Variants in SLC30A8 observed in about 807,000 individuals in gnomAD.
SLC30A8 encodes proton-coupled zinc antiporter SLC30A8.
A neutral mutation model predicts 36.9 loss-of-function variants in SLC30A8; 27 were observed. The ratio of observed to expected loss-of-function variants is 0.73; its 90% CI spans 0.54 to 1.01. The LOEUF (loss-of-function observed/expected upper bound fraction) is 1.01, where lower values mean the gene tolerates loss of function less well. Among genes scored for constraint, SLC30A8 ranks in the 50% least tolerant of loss-of-function variants. The pLI is 0.00. For missense variants in SLC30A8, 439 were observed against 452.0 expected, an observed-to-expected ratio of 0.97 and a Z score of 0.26; for synonymous variants, 164 against 172.4, an observed-to-expected ratio of 0.95 and a Z score of 0.38.
intron 1 of SLC30A8, among the ~76,000 whole-genome samples, chr8:117,138,823 T>C (rs1821490028): frequency 6.6e-6 from 1 of 151,998 alleles, no homozygotes; most frequent in Admixed American, 6.6e-5. Flanking sequence ...GGTCACTGTC[T>C]CTTCTGCCAG....
intron 1 of SLC30A8, among the ~76,000 whole-genome samples, chr8:117,001,204 C>CTT (rs34639384): frequency 0.027 from 2,066 of 77,862 alleles, 5 homozygotes; most frequent in South Asian, 0.035. Context: ...TTGCTAGGGG[C>CTT]TTTTTTTTTT....
intron 1 of SLC30A8, among the ~76,000 whole-genome samples, chr8:117,011,422 C>CTCGCTA (rs762456245): frequency 2.0e-5 from 3 of 152,148 alleles, no homozygotes; most frequent in Non-Finnish European, 4.4e-5. Context: ...CCAAATAGCT[C>CTCGCTA]GTTTGTGAAA....
rs34202690 is a variant in SLC30A8, at chr8:117,076,770, A to ATT, written c.-226+37523_-226+37524dup. Among the ~76,000 whole-genome samples, 437 of 146,422 alleles carry ATT rather than the reference A, an allele frequency of 3.0e-3. 4 individuals are homozygous for ATT. Among genetic ancestry groups the ATT allele is most frequent in the African/African-American group, 9.7e-3 (386 of 39,914 alleles). On this transcript the variant is annotated intron_variant, in intron 2 of 10. Coordinates refer to the SLC30A8 transcript ENST00000427715. ...CTTCGAGGAGAGGGGTCAAATAGTC[A>ATT]TTTTTTTTTTTTGGCGGCACCTATT...
intron 1 of SLC30A8, chr8:117,007,011 G>A (rs1224168984): frequency 9.2e-5 from 10 of 109,072 alleles, no homozygotes; most frequent in Admixed American, 2.5e-4. Flanking sequence ...TCCCCATGTT[G>A]GCCAGGCTGG....
rs751625201 is a variant in SLC30A8, at chr8:116,983,489, TG to T, written c.-266+32372del. Among the ~76,000 whole-genome samples the T allele has an allele frequency of 1.2e-4, 18 of 152,314 alleles. No individual in the cohort carries two copies. In the East Asian group the frequency reaches 1.3e-3, roughly 11 times the overall value. ...CAATATACTTCTCAAAAAGTGTTACTGGTGTGTTAAATTTTCCCACTACAGT... is the reference window on the plus strand; with the variant it reads ...CAATATACTTCTCAAAAAGTGTTACTGTGTGTTAAATTTTCCCACTACAGT... On this transcript the variant is annotated intron_variant, in intron 1 of 10. Coordinates refer to the SLC30A8 transcript ENST00000427715.
chr8:116,976,529 A>G (rs1269545545), intron 1 of SLC30A8, among the ~76,000 whole-genome samples: 1 of 152,180 alleles, frequency 6.6e-6, no homozygotes, highest in Admixed American at 6.5e-5. Flanking sequence ...CAAACTCTCA[A>G]GCACGCAAGA....
intron 1 of SLC30A8, among the ~76,000 whole-genome samples, chr8:116,976,271 T>A (rs552587097): frequency 1.3e-5 from 2 of 148,862 alleles, no homozygotes; most frequent in South Asian, 4.3e-4. Context: ...TTCCAAGGTA[T>A]AAATGCTCCC....
rs1815197318 is a variant in SLC30A8 at position 116,979,915 on chromosome 8, T to C, written c.-266+28796T>C. On this transcript the variant is annotated intron_variant, in intron 1 of 10. Coordinates refer to the SLC30A8 transcript ENST00000427715. ...ATTAAAAACTTTTATGAGGTAAGGA[T>C]AGGATCATTTCCAAAGAAACAGAAG... Among the ~76,000 whole-genome samples the C allele has an allele frequency of 2.6e-5, 4 of 152,234 alleles. No homozygotes were observed. The South Asian group carries it at 8.3e-4, about 32-fold the overall frequency.
intron 2 of SLC30A8, among the ~76,000 whole-genome samples, chr8:117,062,443 A>G (rs529261824): frequency 6.8e-4 from 103 of 152,318 alleles, no homozygotes; most frequent in African/African-American, 2.4e-3. Flanking sequence ...AAGTGGAGCA[A>G]GACAGAGAGC....
In SLC30A8 at chr8:117,157,864, C is replaced by T. The variant is rs1315099460; in HGVS notation, c.572+20C>T. ...CATTGTGTAAGTCATCCCCTGGTCC[C>T]CACACACTGCTCATGAGGCTCTCCT... On this transcript the variant is annotated intron_variant, in intron 4 of 7. Coordinates refer to ENST00000456015, the MANE Select transcript of SLC30A8 (RefSeq NM_173851.3). 6.2e-7 allele frequency: 1 copy of T among 1,612,890 alleles called. No homozygotes were observed. The highest frequency in any genetic ancestry group is 1.3e-5 in the African/African-American group (1 of 75,024).
chr8:117,055,060 G>A (rs898666082), intron 2 of SLC30A8, among the ~76,000 whole-genome samples: 9 of 152,292 alleles, frequency 5.9e-5, no homozygotes, highest in Admixed American at 5.9e-4. Flanking sequence ...GACCATCTGT[G>A]AAATGGGTGG....
intron 1 of SLC30A8, among the ~76,000 whole-genome samples, chr8:117,016,157 A>G (rs1401212218): frequency 6.6e-6 from 1 of 152,186 alleles, no homozygotes. Context: ...AAATCCAGAA[A>G]TCCAAAAACT....
At position 117,108,697 on chromosome 8, in the gene SLC30A8, T is replaced by C. The variant is rs111737012; in HGVS notation, c.-225-26583T>C. 3.1e-3 allele frequency among the ~76,000 whole-genome samples: 473 copies of C among 152,280 alleles called. 1 individual carries two copies. The highest frequency in any genetic ancestry group is 0.011 in the African/African-American group (454 of 41,562). On this transcript the variant is annotated intron_variant, in intron 2 of 10. Coordinates refer to the SLC30A8 transcript ENST00000427715. ...ACATGTTGCTGGGAACCCTTGGAGT[T>C]GGATGAAGAAGCCTGGAGCTCTAGT...
intron 2 of SLC30A8, among the ~76,000 whole-genome samples, chr8:117,151,333 T>C (rs1047196977): frequency 5.2e-4 from 79 of 152,184 alleles, no homozygotes; most frequent in African/African-American, 1.9e-3. Context: ...ACCCAATCCC[T>C]GGTACCATGC....
chr8:116,965,942 G>A (rs1814586170), intron 1 of SLC30A8, among the ~76,000 whole-genome samples: 1 of 147,456 alleles, frequency 6.8e-6, no homozygotes, highest in African/African-American at 2.5e-5. Flanking sequence ...GGGGTGCAGT[G>A]GCGTGATCTC....
In SLC30A8 at chr8:117,172,693, C is replaced by T. The variant is rs757215759; in HGVS notation, c.*12C>T. ...ACCCCTGTGACTAGCTCAGTCACAC[C>T]GTCAGTTTCCCAAATTTGACAGGCC... On this transcript the variant is annotated 3_prime_UTR_variant, in exon 8 of 8. Transcript: ENST00000456015. The T allele has an allele frequency of 3.5e-5, 57 of 1,612,590 alleles. No individual in the cohort carries two copies. Among genetic ancestry groups the T allele is most frequent in the East Asian group, 1.6e-4 (7 of 44,830 alleles).
intron 7 of SLC30A8, 98 bp downstream of exon 7, chr8:117,171,266 T>C: frequency 7.5e-7 from 1 of 1,332,948 alleles, no homozygotes; most frequent in Non-Finnish European, 1.1e-6. Context: ...TATTGTCTGT[T>C]GCTTGTCAAA....
intron 6 of SLC30A8, among the ~76,000 whole-genome samples, chr8:117,170,241 T>C (rs565520882): frequency 6.6e-6 from 1 of 152,312 alleles, no homozygotes; most frequent in African/African-American, 2.4e-5. Context: ...TGAAAGACTC[T>C]AGATTTTGGA....
Position 117,172,825 on chromosome 8 carries a change from C to T in SLC30A8, c.*144C>T, listed in dbSNP as rs1267328705. 1.1e-6 allele frequency: 1 copy of T among 914,432 alleles called. No individual in the cohort carries two copies. The highest frequency in any genetic ancestry group is 1.7e-6 in the Non-Finnish European group (1 of 601,452). 56.6% of individuals were successfully genotyped at this position (914,432 alleles called of 1,614,324 possible). Reference sequence around the variant, plus strand: ...CACATTTTATCTATTTATTTAGTTCCATTCACCATGAAGGAAGAGGCACTG... The same window carrying T: ...CACATTTTATCTATTTATTTAGTTCTATTCACCATGAAGGAAGAGGCACTG... On this transcript the variant is annotated 3_prime_UTR_variant, in exon 8 of 8. Coordinates refer to ENST00000456015, the MANE Select transcript of SLC30A8 (RefSeq NM_173851.3).
Sources: gnomAD v4.1 joint callset for allele counts (sites outside exome capture counted in the v4.1 genomes callset) on GRCh38, gnomAD v4.1.1 for gene constraint, MANE v1.5 for transcripts, NCBI Gene and HGNC (gene_info 2026-07-23, HGNC 2026-07-21) for gene names.